TACR3: variants seen among roughly 807,000 people sequenced by gnomAD.
TACR3 encodes neuromedin-K receptor.
A neutral mutation model predicts 35.0 loss-of-function variants in TACR3; 34 were observed. The observed-to-expected ratio is 0.97, with a 90% confidence interval of 0.74 to 1.30. TACR3 has a LOEUF of 1.30. Ranked by LOEUF, TACR3 falls within the 50% of genes most tolerant of loss-of-function variation. The probability of loss-of-function intolerance (pLI) is 0.00; values close to 1 mark genes in which losing one functional copy is unlikely to be tolerated. For synonymous variants in TACR3, 233 were observed against 221.1 expected (o/e 1.05, Z -0.48); for missense variants, 558 against 591.7 (o/e 0.94, Z 0.59).
chr4:103,696,721 C>T (rs1378756809), intron 1 of TACR3, among the ~76,000 whole-genome samples: 1 of 152,068 alleles, frequency 6.6e-6, no homozygotes, highest in East Asian at 1.9e-4. Context: ...ATAAGTTCAC[C>T]TTTCATAATT....
At chr4:103,590,095 A>G (rs1723862215) in intron 4 of TACR3, 101 bp from the exon 5 acceptor site, 1 of 1,450,810 alleles carries the variant, frequency 6.9e-7, no homozygotes, top group Non-Finnish European at 9.4e-7. Context: ...ATAACAACTC[A>G]GTTTTTGAGT....
chr4:103,673,928 A>T (rs1207122745), intron 1 of TACR3, among the ~76,000 whole-genome samples: 2 of 152,182 alleles, frequency 1.3e-5, no homozygotes, highest in Non-Finnish European at 2.9e-5. Flanking sequence ...TACTTTTCCA[A>T]ATGTGTACAA....
intron 1 of TACR3, among the ~76,000 whole-genome samples, chr4:103,671,143 T>C (rs1376676717): frequency 6.6e-6 from 1 of 152,016 alleles, no homozygotes; most frequent in East Asian, 1.9e-4. Context: ...CACCTGATCA[T>C]GATGAGTGAT....
At chr4:103,710,969 A>G (rs939976302) in intron 1 of TACR3, among the ~76,000 whole-genome samples, 1 of 152,226 alleles carries the variant, frequency 6.6e-6, no homozygotes, top group African/African-American at 2.4e-5. Context: ...GAATATACCA[A>G]TAACAGGCTC....
chr4:103,653,846 T>G (rs1389571749), intron 3 of TACR3, among the ~76,000 whole-genome samples: 3 of 151,904 alleles, frequency 2.0e-5, no homozygotes, highest in Non-Finnish European at 2.9e-5. Context: ...CAAACAAATT[T>G]ACAAGAAAAA....
intron 3 of TACR3, among the ~76,000 whole-genome samples, chr4:103,653,682 C>A (rs1035704038): frequency 6.6e-6 from 1 of 151,772 alleles, no homozygotes; most frequent in Non-Finnish European, 1.5e-5. Context: ...GCAACAAAAG[C>A]CAAAATTGAC....
intron 1 of TACR3, among the ~76,000 whole-genome samples, chr4:103,685,718 C>A (rs6833168): frequency 9.2e-5 from 14 of 152,094 alleles, no homozygotes; most frequent in African/African-American, 3.4e-4. Flanking sequence ...TCCCCCAAAA[C>A]CGAAAAAGAA....
chr4:103,678,718 G>A (rs1285373658), intron 1 of TACR3, among the ~76,000 whole-genome samples: 1 of 150,942 alleles, frequency 6.6e-6, no homozygotes, highest in Non-Finnish European at 1.5e-5. Flanking sequence ...TAAGTGGATA[G>A]AAAATGATGT....
At chr4:103,665,655 C>CA (rs1725922624) in intron 1 of TACR3, among the ~76,000 whole-genome samples, 2 of 152,188 alleles carry the variant, frequency 1.3e-5, no homozygotes, top group Non-Finnish European at 2.9e-5. Context: ...CAAGTAGTCA[C>CA]AAAATAGGTT....
rs774974236 is a variant in TACR3, at chr4:103,589,945, C to T, written c.1135G>A (p.Val379Ile). 1 of 1,613,918 alleles carries T rather than the reference C, an allele frequency of 6.2e-7. No individual in the cohort carries two copies. The highest frequency in any genetic ancestry group is 1.7e-5 in the Admixed American group (1 of 59,994). Residue 379 changes from valine to isoleucine, a missense_variant, in exon 5 of 5, where the codon GTT (valine) becomes ATT (isoleucine). By Grantham distance (29) the Val-to-Ile change is conservative (BLOSUM62 3). Coordinates refer to ENST00000304883, the MANE Select transcript of TACR3 (RefSeq NM_001059.3). ...AGCTCTAGCTCATCATAGCTGGAAA[C>T]TTTGATGAAAGGACACCAGCGAAAT... is the stretch of plus-strand genomic sequence containing the variant. ...RAFRWCPFIK[V>I]SSYDELELKT...
At chr4:103,598,847 G>T (rs1724111989) in intron 3 of TACR3, among the ~76,000 whole-genome samples, 1 of 152,140 alleles carries the variant, frequency 6.6e-6, no homozygotes, top group Admixed American at 6.6e-5. Flanking sequence ...TGCTGTTTTG[G>T]TTACTGTAGC....
intron 1 of TACR3, among the ~76,000 whole-genome samples, chr4:103,702,011 C>T (rs1722662077): frequency 6.6e-6 from 1 of 152,170 alleles, no homozygotes; most frequent in Non-Finnish European, 1.5e-5. Context: ...ATGTCTAAAA[C>T]ACCAAAAGCA....
At chr4:103,595,618 G>T (rs1362924336) in intron 3 of TACR3, among the ~76,000 whole-genome samples, 3 of 152,030 alleles carry the variant, frequency 2.0e-5, no homozygotes, top group Non-Finnish European at 4.4e-5. Context: ...GTGTAGGATG[G>T]ATGATTTTGA....
intron 3 of TACR3, among the ~76,000 whole-genome samples, chr4:103,607,662 T>C (rs1415947097): frequency 1.3e-5 from 2 of 152,084 alleles, no homozygotes; most frequent in Admixed American, 6.6e-5. Context: ...ATAGAGAATA[T>C]TGACTTCAAA....
chr4:103,714,268 C>T (rs570480139), intron 1 of TACR3, among the ~76,000 whole-genome samples: 123 of 152,020 alleles, frequency 8.1e-4, no homozygotes, highest in African/African-American at 2.7e-3. Flanking sequence ...TGATATCAGC[C>T]GGAGTTCAGC....
intron 3 of TACR3, among the ~76,000 whole-genome samples, chr4:103,625,804 G>A (rs1381064724): frequency 6.6e-6 from 1 of 150,788 alleles, no homozygotes; most frequent in Admixed American, 6.6e-5. Flanking sequence ...CTAACCCCCA[G>A]TACCTTACAC....
intron 1 of TACR3, among the ~76,000 whole-genome samples, chr4:103,696,743 C>T (rs554667020): frequency 7.9e-5 from 12 of 152,210 alleles, no homozygotes; most frequent in African/African-American, 2.6e-4. Context: ...CCTCAGGCTG[C>T]GAATCTAGAA....
At chr4:103,630,210 T>A (rs995886224) in intron 3 of TACR3, among the ~76,000 whole-genome samples, 4 of 152,152 alleles carry the variant, frequency 2.6e-5, no homozygotes, top group Non-Finnish European at 5.9e-5. Flanking sequence ...AAGACTTAAA[T>A]GTTAGACCTA....
chr4:103,666,955 A>G (rs1285004611), intron 1 of TACR3, among the ~76,000 whole-genome samples: 1 of 152,070 alleles, frequency 6.6e-6, no homozygotes, highest in African/African-American at 2.4e-5. Flanking sequence ...CATCAATTAC[A>G]TATTAAAAAC....
Sources: gnomAD v4.1 joint callset for allele counts (sites outside exome capture counted in the v4.1 genomes callset) on GRCh38, gnomAD v4.1.1 for gene constraint, MANE v1.5 for transcripts, NCBI Gene and HGNC (gene_info 2026-07-23, HGNC 2026-07-21) for gene names.